OSTM1: variants seen among roughly 807,000 people sequenced by gnomAD.
The protein encoded by OSTM1 is osteopetrosis-associated transmembrane protein 1.
OSTM1 carries 26 observed loss-of-function variants against 35.4 expected under a neutral mutation model. The observed-to-expected ratio is 0.73, with a 90% CI of 0.54 to 1.02. OSTM1 has a LOEUF of 1.02. OSTM1 is among the 50% of genes least tolerant of loss of function. The pLI is 0.00. For missense variants in OSTM1, 366 were observed against 409.6 expected (o/e 0.89, Z 0.92); for synonymous variants, 181 against 165.0 (o/e 1.10, Z -0.75).
chr6:108,067,561 G>C (rs1341267954), intron 1 of OSTM1, among the ~76,000 whole-genome samples: 1 of 136,938 alleles, frequency 7.3e-6, no homozygotes, highest in Non-Finnish European at 1.5e-5. Flanking sequence ...GCCTGGCACC[G>C]TGGCTCACGC....
At chr6:108,048,017 T>C (rs1772010239) in intron 5 of OSTM1, among the ~76,000 whole-genome samples, 1 of 152,210 alleles carries the variant, frequency 6.6e-6, no homozygotes, top group Non-Finnish European at 1.5e-5. Context: ...CTACTGCATA[T>C]TTACAGAATG....
intron 2 of OSTM1, among the ~76,000 whole-genome samples, chr6:108,062,504 A>T (rs2114604518): frequency 6.6e-6 from 1 of 152,112 alleles, no homozygotes; most frequent in African/African-American, 2.4e-5. Context: ...ATATAATCAT[A>T]ATAGGAGAAT....
intron 1 of OSTM1, among the ~76,000 whole-genome samples, chr6:108,068,619 C>A (rs974955836): frequency 2.0e-5 from 3 of 152,154 alleles, no homozygotes; most frequent in African/African-American, 4.8e-5. Flanking sequence ...TTCTCCACAT[C>A]ATGATGGCCC....
intron 1 of OSTM1, among the ~76,000 whole-genome samples, chr6:108,073,100 G>T (rs113597243): frequency 6.6e-6 from 1 of 152,092 alleles, no homozygotes. Context: ...ATGAGCCACC[G>T]CACACAGCCA....
chr6:108,043,627 A>T lies in OSTM1; in HGVS notation c.*1158T>A, dbSNP rs1000785037. The T allele has an allele frequency of 1.3e-5, 2 of 152,218 alleles. No individual in the cohort carries two copies. Among genetic ancestry groups the T allele is most frequent in the Non-Finnish European group, 2.9e-5 (2 of 68,038 alleles). The allele number at this position is 152,218 out of a possible 1,614,324, so 9.4% of individuals were successfully genotyped here. Reference sequence around the variant, plus strand: ...AAAACTGTGAACAATTCTGAAACGGAGTGTTTTTTCTAAAGGCTAATACAA... The same window carrying T: ...AAAACTGTGAACAATTCTGAAACGGTGTGTTTTTTCTAAAGGCTAATACAA... On this transcript the variant is annotated 3_prime_UTR_variant, in exon 6 of 6. Coordinates refer to ENST00000193322, the MANE Select transcript of OSTM1 (RefSeq NM_014028.4).
rs1267561738 is a variant in OSTM1, at chr6:108,054,533, T to C, written c.572A>G (p.Asn191Ser). The change falls in exon 3 of 6, where the codon AAT becomes AGT. Residue 191 changes from asparagine (N) to serine (S), a missense_variant. Coordinates refer to ENST00000193322, the MANE Select transcript of OSTM1 (RefSeq NM_014028.4). ...GCAGGTCAGGGTGTGATTAAATAGA[T>C]TAAGGAAATATACTGTGCTGTTTGA... Reference protein sequence around the residue: ...ELSNSTVYFLNLFNHTLTCFE... With the variant: ...ELSNSTVYFLSLFNHTLTCFE... 6.4e-7 allele frequency: 1 copy of C among 1,573,626 alleles called. No homozygotes were observed. The highest frequency in any genetic ancestry group is 1.3e-5 in the African/African-American group (1 of 74,308).
At chr6:108,061,993 C>T (rs1035946780) in intron 2 of OSTM1, among the ~76,000 whole-genome samples, 3 of 152,050 alleles carry the variant, frequency 2.0e-5, no homozygotes, top group African/African-American at 7.2e-5. Context: ...AAGTATAGTA[C>T]CAAACCTTCT....
intron 1 of OSTM1, among the ~76,000 whole-genome samples, chr6:108,072,215 T>G (rs1772497432): frequency 6.6e-6 from 1 of 152,210 alleles, no homozygotes; most frequent in Non-Finnish European, 1.5e-5. Flanking sequence ...TATCCTGCTG[T>G]AGTTGACAGG....
At position 108,043,282 on chromosome 6, in the gene OSTM1, C is replaced by T. The variant is rs987804481; in HGVS notation, c.*1503G>A. 5.9e-5 allele frequency: 9 copies of T among 152,276 alleles called. No homozygotes were observed. The highest frequency in any genetic ancestry group is 2.2e-4 in the African/African-American group (9 of 41,540). 9.4% of individuals were successfully genotyped at this position (152,276 alleles called of 1,614,324 possible). Reference sequence around the variant, plus strand: ...TAAGTTCCAGCAGCATAAACAGTGACAGCAGAACAAACCCCAGCACATTTT... The same window carrying T: ...TAAGTTCCAGCAGCATAAACAGTGATAGCAGAACAAACCCCAGCACATTTT... On this transcript the variant is annotated 3_prime_UTR_variant, in exon 6 of 6. Coordinates refer to ENST00000193322, the MANE Select transcript of OSTM1 (RefSeq NM_014028.4).
At chr6:108,068,670 C>T (rs1772424387) in intron 1 of OSTM1, among the ~76,000 whole-genome samples, 1 of 152,146 alleles carries the variant, frequency 6.6e-6, no homozygotes, top group South Asian at 2.1e-4. Context: ...ACCACTGCAA[C>T]AGTCTCCTAA....
At position 108,066,367 on chromosome 6, in the gene OSTM1, G is replaced by A. The variant is rs114208596; in HGVS notation, c.403-2068C>T. The stretch of plus-strand genomic sequence containing the variant: ...TACTTACTACTTACCAGTTCCAAAT[G>A]TTCCAACTTCCTTATTTAATCCTCA... On this transcript the variant is annotated intron_variant, in intron 1 of 5. Coordinates refer to ENST00000193322, the MANE Select transcript of OSTM1 (RefSeq NM_014028.4). 3.3e-3 allele frequency among the ~76,000 whole-genome samples: 457 copies of A among 138,998 alleles called. 3 individuals carry two copies. Among genetic ancestry groups the A allele is most frequent in the African/African-American group, 0.011 (442 of 39,104 alleles). 91.2% of individuals were successfully genotyped at this position (138,998 alleles called of 152,430 possible).
intron 1 of OSTM1, among the ~76,000 whole-genome samples, chr6:108,066,792 G>T (rs1772387527): frequency 6.6e-6 from 1 of 152,130 alleles, no homozygotes; most frequent in Non-Finnish European, 1.5e-5. Context: ...CTGATGCATG[G>T]TTTCTTAAAG....
Position 108,074,702 on chromosome 6 carries a change from C to A in OSTM1, c.-51G>T. The A allele has an allele frequency of 1.0e-5, 15 of 1,466,142 alleles. No individual in the cohort carries two copies. Among genetic ancestry groups the A allele is most frequent in the Non-Finnish European group, 1.3e-5 (15 of 1,116,326 alleles). 90.8% of individuals were successfully genotyped at this position (1,466,142 alleles called of 1,614,324 possible). A position where few individuals can be genotyped will look rare whatever the true frequency, so the allele number is the denominator to read the frequency against. On this transcript the variant is annotated 5_prime_UTR_variant, in exon 1 of 6. Transcript: ENST00000193322. ...CCCACCGCCGCCTCTCCGCCCCCAGCCGGCACCGCGGACAGCCGCCGCTTC... is the reference window on the plus strand; with the variant it reads ...CCCACCGCCGCCTCTCCGCCCCCAGACGGCACCGCGGACAGCCGCCGCTTC...
At chr6:108,046,055 G>A (rs1771964234) in intron 5 of OSTM1, among the ~76,000 whole-genome samples, 1 of 151,828 alleles carries the variant, frequency 6.6e-6, no homozygotes, top group Admixed American at 6.6e-5. Context: ...AGGCTGGAGT[G>A]CAATGGCTCG....
intron 1 of OSTM1, among the ~76,000 whole-genome samples, chr6:108,069,358 C>A (rs150517499): frequency 3.9e-5 from 6 of 152,150 alleles, no homozygotes; most frequent in Admixed American, 3.9e-4. Context: ...ACACTATGTT[C>A]TGGCTTTCTC....
At chr6:108,045,491 TG>T (rs1408164496) in intron 5 of OSTM1, among the ~76,000 whole-genome samples, 2 of 144,628 alleles carry the variant, frequency 1.4e-5, no homozygotes, top group Non-Finnish European at 3.0e-5. Flanking sequence ...GAAAGAACTC[TG>T]TAATGGGAAA....
chr6:108,058,834 G>A (rs1433767916), intron 2 of OSTM1, among the ~76,000 whole-genome samples: 1 of 152,050 alleles, frequency 6.6e-6, no homozygotes, highest in Non-Finnish European at 1.5e-5. Context: ...AAGTACTATT[G>A]TTGTTGCTTT....
At chr6:108,059,829 T>G (rs1256262295) in intron 2 of OSTM1, among the ~76,000 whole-genome samples, 1 of 152,172 alleles carries the variant, frequency 6.6e-6, no homozygotes, top group Non-Finnish European at 1.5e-5. Context: ...TCCACTTTTC[T>G]GCCACATAAA....
chr6:108,058,465 G>A (rs1027661828), intron 2 of OSTM1, among the ~76,000 whole-genome samples: 1 of 152,160 alleles, frequency 6.6e-6, no homozygotes, highest in Admixed American at 6.5e-5. Flanking sequence ...ATAACGCTTA[G>A]TACATTTCCC....
Sources: allele counts gnomAD v4.1 joint callset (sites outside exome capture counted in the v4.1 genomes callset), GRCh38; gene constraint gnomAD v4.1.1; transcripts MANE v1.5; gene names NCBI Gene and HGNC (gene_info 2026-07-23, HGNC 2026-07-21).